The following HPSE2 variants were observed in gnomAD, a reference collection of about 807,000 sequenced individuals.
HPSE2 encodes heparanase 2 (inactive).
A neutral mutation model predicts 60.5 loss-of-function variants in HPSE2; 38 were observed. That is an observed-to-expected ratio of 0.63 (90% CI 0.48 to 0.82). The LOEUF is 0.82. Ranked by LOEUF, HPSE2 falls within the 40% of genes least tolerant of loss-of-function variation. The pLI, the probability that HPSE2 is intolerant of heterozygous loss-of-function variation, is 0.00. For synonymous variants in HPSE2, 295 were observed against 293.2 expected (o/e 1.01, Z -0.06); for missense variants, 713 against 740.4 (o/e 0.96, Z 0.43).
At chr10:99,081,581 AGATGATGATGAT>A (rs34159388) in intron 3 of HPSE2, among the ~76,000 whole-genome samples, 2,042 of 147,398 alleles carry the variant, frequency 0.014, 22 homozygotes, top group Non-Finnish European at 0.018. Flanking sequence ...CTACTACTAA[AGATGATGATGAT>A]GATGATGATG....
chr10:98,535,352 T>C (rs1943251790), intron 9 of HPSE2, among the ~76,000 whole-genome samples: 1 of 152,036 alleles, frequency 6.6e-6, no homozygotes. Context: ...TTCCTACCAA[T>C]TCCTGAAGGA....
intron 3 of HPSE2, among the ~76,000 whole-genome samples, chr10:99,059,951 T>C (rs762055164): frequency 2.0e-5 from 3 of 151,906 alleles, no homozygotes; most frequent in Admixed American, 2.0e-4. Flanking sequence ...TATAACAATA[T>C]AAAATTCTAT....
the HPSE2 span, among the ~76,000 whole-genome samples, chr10:99,242,184 C>A: frequency 6.6e-6 from 1 of 152,208 alleles, no homozygotes; most frequent in Non-Finnish European, 1.5e-5. Context: ...GATGACAACA[C>A]TTTCTCCATA....
At chr10:99,270,935 T>C in the HPSE2 span, among the ~76,000 whole-genome samples, 1 of 152,132 alleles carries the variant, frequency 6.6e-6, no homozygotes, top group Non-Finnish European at 1.5e-5. Flanking sequence ...AAATCCAGCA[T>C]CTCTTTATGA....
intron 9 of HPSE2, among the ~76,000 whole-genome samples, chr10:98,604,639 T>C (rs557042994): frequency 5.9e-5 from 9 of 152,360 alleles, no homozygotes; most frequent in Admixed American, 5.9e-4. Context: ...TCGTAAGTAC[T>C]ATAACAGGGC....
At chr10:98,627,399 G>C (rs1589531250) in intron 7 of HPSE2, among the ~76,000 whole-genome samples, 1 of 152,082 alleles carries the variant, frequency 6.6e-6, no homozygotes. Flanking sequence ...AGTGAGTTTT[G>C]TTCACACTAC....
intron 3 of HPSE2, among the ~76,000 whole-genome samples, chr10:98,845,323 T>C (rs1952009342): frequency 6.6e-6 from 1 of 152,210 alleles, no homozygotes; most frequent in South Asian, 2.1e-4. Flanking sequence ...TGTCTTCCAA[T>C]ATTAGTTTCT....
chr10:98,463,442 G>A (rs537766225), intron 11 of HPSE2, among the ~76,000 whole-genome samples: 1 of 152,382 alleles, frequency 6.6e-6, no homozygotes, highest in East Asian at 1.9e-4. Context: ...TCACAGAGAT[G>A]AGGTAAATAT....
At chr10:99,204,695 T>C (rs10786518) in intron 2 of HPSE2, among the ~76,000 whole-genome samples, 75,073 of 152,074 alleles carry the variant, frequency 0.49, 21,718 homozygotes, top group Non-Finnish European at 0.64. Flanking sequence ...GGTTCAACTA[T>C]ATGCAGATTT....
At chr10:99,108,366 A>T (rs1255549917) in intron 3 of HPSE2, among the ~76,000 whole-genome samples, 1 of 152,116 alleles carries the variant, frequency 6.6e-6, no homozygotes, top group African/African-American at 2.4e-5. Context: ...ACCTGTAGCA[A>T]CTAGTGTGGT....
chr10:98,638,673 A>G (rs1475326932), intron 7 of HPSE2, among the ~76,000 whole-genome samples: 1 of 152,120 alleles, frequency 6.6e-6, no homozygotes, highest in East Asian at 1.9e-4. Flanking sequence ...TCATGTCCCC[A>G]GGGAAGTCCA....
At chr10:98,952,319 TGTGTG>T (rs1412008201) in intron 3 of HPSE2, among the ~76,000 whole-genome samples, 2 of 37,566 alleles carry the variant, frequency 5.3e-5, no homozygotes, top group African/African-American at 1.0e-4. Context: ...TTTGTTTGTG[TGTGTG>T]TGTGTGTGTG....
At chr10:99,039,496 G>C (rs1957686782) in intron 3 of HPSE2, among the ~76,000 whole-genome samples, 1 of 150,258 alleles carries the variant, frequency 6.7e-6, no homozygotes, top group African/African-American at 2.4e-5. Flanking sequence ...AAGACTATTA[G>C]GATATTAAAT....
chr10:98,763,110 A>G (rs1485433011), intron 3 of HPSE2, among the ~76,000 whole-genome samples: 1 of 152,116 alleles, frequency 6.6e-6, no homozygotes, highest in Non-Finnish European at 1.5e-5. Flanking sequence ...GAAGAAAAAA[A>G]TCAATAAACT....
chr10:99,234,262 C>T (rs1012615835), intron 1 of HPSE2, among the ~76,000 whole-genome samples: 1 of 152,200 alleles, frequency 6.6e-6, no homozygotes, highest in African/African-American at 2.4e-5. Flanking sequence ...CTTTCCTCCA[C>T]GTGGAAGGAG....
At chr10:99,070,922 T>C (rs914616658) in intron 3 of HPSE2, among the ~76,000 whole-genome samples, 3 of 152,202 alleles carry the variant, frequency 2.0e-5, no homozygotes, top group Non-Finnish European at 2.9e-5. Context: ...TCAATGGACA[T>C]TTAGAGTGTT....
chr10:99,285,940 T>C, the HPSE2 span, among the ~76,000 whole-genome samples: 75,086 of 151,970 alleles, frequency 0.49, 21,724 homozygotes, highest in Non-Finnish European at 0.64. Context: ...TATATATATA[T>C]ACACACACAA....
At position 99,212,319 on chromosome 10, in the gene HPSE2, T is replaced by C. The variant is rs376393291; in HGVS notation, c.448+20029A>G. ...AATCCCACTACTAGATATATATACA[T>C]AGGAAATGAAATCACTATGTCAAAC... On this transcript the variant is annotated intron_variant, in intron 2 of 11. Coordinates refer to ENST00000370552, the MANE Select transcript of HPSE2 (RefSeq NM_021828.5). Among the ~76,000 whole-genome samples, 34 of 152,120 alleles carry C rather than the reference T, an allele frequency of 2.2e-4. No homozygotes were observed. The South Asian group carries it at 6.2e-3, about 28-fold the overall frequency.
chr10:98,968,357 G>A (rs1955865939), intron 3 of HPSE2, among the ~76,000 whole-genome samples: 1 of 152,110 alleles, frequency 6.6e-6, no homozygotes, highest in Non-Finnish European at 1.5e-5. Flanking sequence ...AATAATTGAT[G>A]TTGGTGTGGG....
Sources: gnomAD v4.1 joint callset for allele counts (sites outside exome capture counted in the v4.1 genomes callset) on GRCh38, gnomAD v4.1.1 for gene constraint, MANE v1.5 for transcripts, NCBI Gene and HGNC (gene_info 2026-07-23, HGNC 2026-07-21) for gene names.